RAB37: variants seen among roughly 807,000 people sequenced by gnomAD.
RAB37 encodes the protein ras-related protein Rab-37.
A neutral mutation model predicts 33.1 loss-of-function variants in RAB37; 29 were observed. That is an observed-to-expected ratio of 0.88 (90% CI 0.65 to 1.20). The LOEUF (loss-of-function observed/expected upper bound fraction) is 1.20, where lower values mean the gene tolerates loss of function less well. Ranked by LOEUF, RAB37 falls within the 50% of genes most tolerant of loss-of-function variation. The pLI, the probability that RAB37 is intolerant of heterozygous loss-of-function variation, is 0.00. For synonymous variants in RAB37, 128 were observed against 119.5 expected, an observed-to-expected ratio of 1.07 and a Z score of -0.47; for missense variants, 299 against 301.1, an observed-to-expected ratio of 0.99 and a Z score of 0.05.
At position 74,730,970 on chromosome 17, in the gene RAB37, C is replaced by T. The variant is rs1362536959; in HGVS notation, c.183+1604C>T. 1.3e-5 allele frequency among the ~76,000 whole-genome samples: 2 copies of T among 152,244 alleles called. No homozygotes were observed. The highest frequency in any genetic ancestry group is 2.9e-5 in the Non-Finnish European group (2 of 68,046). On this transcript the variant is annotated intron_variant, in intron 2 of 7. Transcript: ENST00000340415. The surrounding 1 kb of genome is among the most constrained non-coding windows in gnomAD (Gnocchi z 4.4). ...GAGACACACTGGGCTTTCCCACTGA[C>T]CTCAGGGTGGGCCTCCTAGAGCCTG... is the stretch of plus-strand genomic sequence containing the variant.
rs139873443 is a variant in RAB37, at chr17:74,706,604, G to A, written c.73-22652G>A. ...AATCGCTTGAACCCGGGAGGCAGAG[G>A]TTGCAATGAGCCAAGATGGCGCCAT... On this transcript the variant is annotated intron_variant, in intron 1 of 7. Transcript: ENST00000340415. Among the ~76,000 whole-genome samples, 3 of 152,178 alleles carry A rather than the reference G, an allele frequency of 2.0e-5. No homozygotes were observed. In the East Asian group the frequency reaches 5.8e-4, roughly 29 times the overall value.
Position 74,698,632 on chromosome 17 carries a change from T to C in RAB37, c.72+26974T>C, listed in dbSNP as rs747117294. The C allele has an allele frequency of 8.8e-6, 13 of 1,475,230 alleles. No individual in the cohort carries two copies. The South Asian group carries it at 1.8e-4, about 20-fold the overall frequency. The allele number at this position is 1,475,230 out of a possible 1,614,324, so 91.4% of individuals were successfully genotyped here. On this transcript the variant is annotated intron_variant, in intron 1 of 7. Coordinates refer to the RAB37 transcript ENST00000340415. ...TGGGAACCCTCACTCCTGGGGATCCTCAAAGATGGGTTTACAATGAGTACA... is the reference window on the plus strand; with the variant it reads ...TGGGAACCCTCACTCCTGGGGATCCCCAAAGATGGGTTTACAATGAGTACA...
chr17:74,682,512 C>T (rs2031974896), intron 1 of RAB37, among the ~76,000 whole-genome samples: 1 of 152,206 alleles, frequency 6.6e-6, no homozygotes, highest in Non-Finnish European at 1.5e-5. Context: ...TGAACCAATA[C>T]TATAGCCAGA....
In RAB37 at chr17:74,747,191, TC is replaced by T. The variant is rs2034780414; in HGVS notation, c.*1783del. The T allele has an allele frequency of 6.6e-6, 1 of 152,162 alleles. No individual in the cohort carries two copies. Among genetic ancestry groups the T allele is most frequent in the Non-Finnish European group, 1.5e-5 (1 of 68,072 alleles). 9.4% of individuals were successfully genotyped at this position (152,162 alleles called of 1,614,324 possible). A position where few individuals can be genotyped will look rare whatever the true frequency, so the allele number is the denominator to read the frequency against. On this transcript the variant is annotated 3_prime_UTR_variant, in exon 9 of 9. Transcript: ENST00000392613. ...CCCGATAAGGAAGTTCTCCGTGGCC[TC>T]CCTCAGGCAGAGCAGGGAGGAGGCT...
At chr17:74,697,632 T>C (rs2032624410) in intron 1 of RAB37, among the ~76,000 whole-genome samples, 1 of 152,126 alleles carries the variant, frequency 6.6e-6, no homozygotes, top group African/African-American at 2.4e-5. Flanking sequence ...AGAGGTACAA[T>C]TGTGTGAGAA....
intron 1 of RAB37, among the ~76,000 whole-genome samples, chr17:74,690,466 T>C (rs973156891): frequency 2.6e-5 from 4 of 152,184 alleles, no homozygotes; most frequent in African/African-American, 9.7e-5. Flanking sequence ...TTAAGATGGT[T>C]CCTCTTGCAA....
At position 74,742,232 on chromosome 17, in the gene RAB37, C is replaced by T; in HGVS notation, c.205-22C>T. On this transcript the variant is annotated intron_variant, in intron 2 of 8. Transcript: ENST00000392613. The surrounding 1 kb of genome is among the most constrained non-coding windows in gnomAD (Gnocchi z 4.0). Reference sequence around the variant, plus strand: ...AGCCACATGACTCCTGCCCTCCCATCCTCTGCCTTTTTCTCTTTCAGAACA... The same window carrying T: ...AGCCACATGACTCCTGCCCTCCCATTCTCTGCCTTTTTCTCTTTCAGAACA... 1.2e-6 allele frequency: 2 copies of T among 1,612,236 alleles called. No individual in the cohort carries two copies. Among genetic ancestry groups the T allele is most frequent in the Middle Eastern group, 1.7e-4 (1 of 6,054 alleles).
intron 1 of RAB37, among the ~76,000 whole-genome samples, chr17:74,713,917 A>G (rs1448864500): frequency 6.6e-6 from 1 of 150,390 alleles, no homozygotes; most frequent in Non-Finnish European, 1.5e-5. Flanking sequence ...AAAAAAAAAA[A>G]AAAAAAAAAA....
At chr17:74,689,113 A>C (rs2032111872) in intron 1 of RAB37, among the ~76,000 whole-genome samples, 1 of 152,220 alleles carries the variant, frequency 6.6e-6, no homozygotes, top group Non-Finnish European at 1.5e-5. Context: ...AGCCTGGCCA[A>C]CATGGTGAAA....
upstream of RAB37, chr17:74,736,701 C>T (rs2034480062): frequency 6.5e-7 from 1 of 1,535,738 alleles, no homozygotes; most frequent in South Asian, 1.2e-5. Context: ...GGCAGAGGCC[C>T]CAAAACACCG....
At chr17:74,713,315 C>CAAAAAAAAAA (rs1163915122) in intron 1 of RAB37, among the ~76,000 whole-genome samples, 1 of 61,080 alleles carries the variant, frequency 1.6e-5, no homozygotes, top group Non-Finnish European at 3.7e-5. Flanking sequence ...CAAACAAAAA[C>CAAAAAAAAAA]AAAAAAAAAA....
chr17:74,687,552 C>G (rs1007620800), intron 1 of RAB37, among the ~76,000 whole-genome samples: 4 of 152,200 alleles, frequency 2.6e-5, no homozygotes, highest in Admixed American at 2.6e-4. Flanking sequence ...GCAAGAGTTG[C>G]AGACCCTCAG....
chr17:74,711,578 A>T (rs2033964223), intron 1 of RAB37, among the ~76,000 whole-genome samples: 1 of 152,230 alleles, frequency 6.6e-6, no homozygotes, highest in Non-Finnish European at 1.5e-5. Flanking sequence ...CTTCTGAAGC[A>T]TGAGGCAAAG....
At chr17:74,700,265 C>T (rs941119697) in intron 1 of RAB37, among the ~76,000 whole-genome samples, 16 of 152,274 alleles carry the variant, frequency 1.1e-4, no homozygotes, top group African/African-American at 3.4e-4. Context: ...CTGACAATGG[C>T]CTCCACTCCT....
intron 1 of RAB37, chr17:74,677,257 A>G (rs2031854520): frequency 6.6e-6 from 1 of 152,182 alleles, no homozygotes; most frequent in South Asian, 2.1e-4. Context: ...TCACCTATTA[A>G]TCCTAGGGAA....
At position 74,745,143 on chromosome 17, in the gene RAB37, A is replaced by G; in HGVS notation, c.566+59A>G. 5 of 1,591,020 alleles carry G rather than the reference A, an allele frequency of 3.1e-6. No homozygotes were observed. The South Asian group carries it at 3.3e-5, about 11-fold the overall frequency. The stretch of plus-strand genomic sequence containing the variant: ...GCAGGGCGGCACACTCCAGGAATCC[A>G]GTAGGGCCCGGCCCCTGGCCCAGCC... On this transcript the variant is annotated intron_variant, in intron 8 of 8. Coordinates refer to ENST00000392613, the MANE Select transcript of RAB37 (RefSeq NM_001006638.3). The surrounding 1 kb of genome is among the most constrained non-coding windows in gnomAD (Gnocchi z 4.5).
chr17:74,708,886 A>C (rs2033743674), intron 1 of RAB37, among the ~76,000 whole-genome samples: 1 of 151,586 alleles, frequency 6.6e-6, no homozygotes, highest in South Asian at 2.1e-4. Context: ...ACTGCACTCC[A>C]GCCTGGGCGA....
chr17:74,735,232 A>G (rs1487498430), upstream of RAB37, among the ~76,000 whole-genome samples: 1 of 149,158 alleles, frequency 6.7e-6, no homozygotes, highest in African/African-American at 2.5e-5. Flanking sequence ...GAGGGGAGGG[A>G]AGGGGAGAGA....
chr17:74,746,668 AG>A lies in RAB37; in HGVS notation c.*1258del, dbSNP rs1456157178. The A allele has an allele frequency of 6.7e-6, 1 of 149,430 alleles. No homozygotes were observed. Among genetic ancestry groups the A allele is most frequent in the African/African-American group, 2.6e-5 (1 of 38,814 alleles). 9.3% of individuals were successfully genotyped at this position (149,430 alleles called of 1,614,324 possible). ...GGTTTGGAATGTGTTGTGAAAAAAA[AG>A]AGAAATCCCTGGCTCCTGGAGCTGG... On this transcript the variant is annotated 3_prime_UTR_variant, in exon 9 of 9. Coordinates refer to ENST00000392613, the MANE Select transcript of RAB37 (RefSeq NM_001006638.3). This position sits in a 1 kb window ranked among gnomAD's most constrained non-coding sequence, Gnocchi z 5.2.
Sources: gnomAD v4.1 joint callset for allele counts (sites outside exome capture counted in the v4.1 genomes callset) on GRCh38, gnomAD v4.1.1 for gene constraint, Gnocchi (gnomAD v3.1) non-coding constraint, MANE v1.5 for transcripts, NCBI Gene and HGNC (gene_info 2026-07-23, HGNC 2026-07-21) for gene names.